Variants in NRXN1 observed in about 807,000 individuals in gnomAD.
NRXN1 encodes the protein neurexin-1.
A neutral mutation model predicts 150.9 loss-of-function variants in NRXN1; 39 were observed. The observed-to-expected ratio is 0.26, with a 90% confidence interval of 0.20 to 0.34. The LOEUF (loss-of-function observed/expected upper bound fraction) is 0.34. Ranked by LOEUF, NRXN1 falls within the 10% of genes least tolerant of loss-of-function variation. The probability of loss-of-function intolerance (pLI) is 1.00; values close to 1 mark genes in which losing one functional copy is unlikely to be tolerated. For synonymous variants in NRXN1, 924 were observed against 757.0 expected (o/e 1.22, Z -3.62); for missense variants, 1,815 against 1,949.9 (o/e 0.93, Z 1.30).
intron 18 of NRXN1, among the ~76,000 whole-genome samples, chr2:50,220,352 T>C (rs998860781): frequency 1.3e-5 from 2 of 151,906 alleles, no homozygotes; most frequent in African/African-American, 2.4e-5. Context: ...GAAAAGACTA[T>C]GCCGTGAGTC....
chr2:50,981,514 C>A (rs557085610), intron 2 of NRXN1, among the ~76,000 whole-genome samples: 75 of 141,314 alleles, frequency 5.3e-4, no homozygotes, highest in Middle Eastern at 3.9e-3. Context: ...ACATACCCAA[C>A]TTATTCATTG....
In NRXN1 at chr2:49,921,342, C is replaced by G. The variant is rs1415073200; in HGVS notation, c.*602G>C. On this transcript the variant is annotated 3_prime_UTR_variant, in exon 23 of 23. Transcript: ENST00000401669. ...TAAGGCCTCCATACTTTTTTTTCCTCTCTCACAACCAGAAAGGGGCTTTTT... is the reference window on the plus strand; with the variant it reads ...TAAGGCCTCCATACTTTTTTTTCCTGTCTCACAACCAGAAAGGGGCTTTTT... 6.6e-6 allele frequency: 1 copy of G among 152,244 alleles called. No individual in the cohort carries two copies. Among genetic ancestry groups the G allele is most frequent in the African/African-American group, 2.4e-5 (1 of 41,338 alleles). The allele number at this position is 152,244 out of a possible 1,614,324, so 9.4% of individuals were successfully genotyped here.
chr2:50,399,434 G>T (rs535893236), intron 17 of NRXN1, among the ~76,000 whole-genome samples: 1 of 151,680 alleles, frequency 6.6e-6, no homozygotes, highest in South Asian at 2.1e-4. Flanking sequence ...TTTTCTTCTC[G>T]GTTTTTCCCT....
intron 5 of NRXN1, among the ~76,000 whole-genome samples, chr2:50,759,785 A>C (rs1701581351): frequency 6.6e-6 from 1 of 150,922 alleles, no homozygotes; most frequent in South Asian, 2.1e-4. Context: ...TTAATCTGCA[A>C]ACTTTTCTGA....
intron 5 of NRXN1, among the ~76,000 whole-genome samples, chr2:50,821,858 G>T (rs906300597): frequency 2.0e-5 from 3 of 152,108 alleles, no homozygotes; most frequent in African/African-American, 7.2e-5. Context: ...AAGCATCACT[G>T]GGCCAGGACA....
At chr2:50,531,504 A>G (rs1427137158) in intron 10 of NRXN1, 74 bp from the exon 11 acceptor site, 3 of 1,074,626 alleles carry the variant, frequency 2.8e-6, no homozygotes, top group South Asian at 1.4e-5. Context: ...GAAAAGGATC[A>G]TTTATTATCA....
chr2:50,527,245 G>A (rs1166365251), intron 12 of NRXN1, among the ~76,000 whole-genome samples: 3 of 152,150 alleles, frequency 2.0e-5, no homozygotes, highest in African/African-American at 7.2e-5. Context: ...TCTGGCTTTG[G>A]CAAAGAATAT....
At chr2:50,016,798 G>C (rs1686703342) in intron 21 of NRXN1, among the ~76,000 whole-genome samples, 1 of 151,948 alleles carries the variant, frequency 6.6e-6, no homozygotes, top group African/African-American at 2.4e-5. Context: ...CAGGCTATAT[G>C]GAAAAAAATA....
intron 17 of NRXN1, among the ~76,000 whole-genome samples, chr2:50,370,696 G>A (rs2079955514): frequency 6.6e-6 from 1 of 152,008 alleles, no homozygotes; most frequent in Admixed American, 6.6e-5. Flanking sequence ...AAAGGTGGTG[G>A]AAGAGGAACA....
intron 21 of NRXN1, among the ~76,000 whole-genome samples, chr2:49,984,228 G>A (rs558735575): frequency 6.6e-6 from 1 of 152,182 alleles, no homozygotes; most frequent in Admixed American, 6.6e-5. Context: ...TACCATAAAT[G>A]TAATTTGAAA....
intron 21 of NRXN1, among the ~76,000 whole-genome samples, chr2:50,047,753 T>C (rs900999476): frequency 2.6e-5 from 4 of 151,920 alleles, no homozygotes; most frequent in African/African-American, 7.3e-5. Flanking sequence ...TCCCACACTA[T>C]TCGTTTTCTT....
At chr2:50,814,150 CCTCT>C (rs1175187257) in intron 5 of NRXN1, among the ~76,000 whole-genome samples, 1 of 151,922 alleles carries the variant, frequency 6.6e-6, no homozygotes, top group Non-Finnish European at 1.5e-5. Flanking sequence ...GACTTTCTAC[CCTCT>C]CTGTTTGTTT....
intron 17 of NRXN1, among the ~76,000 whole-genome samples, chr2:50,352,809 G>A (rs1558582758): frequency 7.6e-6 from 1 of 131,452 alleles, no homozygotes; most frequent in Non-Finnish European, 1.7e-5. Flanking sequence ...TAATAATAAT[G>A]CCAGGCTAAA....
In NRXN1 at chr2:50,263,463, G is replaced by A. The variant is rs1016925668; in HGVS notation, c.3365-26493C>T. ...ACAAATTATTATTTTTATATAGGTA[G>A]CTATTAGGTCTTCAAACACATATGA... On this transcript the variant is annotated intron_variant, in intron 17 of 22. Transcript: ENST00000401669. Among the ~76,000 whole-genome samples the A allele has an allele frequency of 2.0e-5, 3 of 151,958 alleles. No individual in the cohort carries two copies. In the South Asian group the frequency reaches 6.2e-4, roughly 31 times the overall value.
rs143083932 is a variant in NRXN1 at position 50,494,380 on chromosome 2, C to T, written c.3070+1525G>A. Among the ~76,000 whole-genome samples, 9 of 152,254 alleles carry T rather than the reference C, an allele frequency of 5.9e-5. No homozygotes were observed. In the East Asian group the frequency reaches 1.4e-3, roughly 23 times the overall value. ...AGCACACTGGATTTTACAATCTCTC[C>T]CTTTCTTTTGACAATTACCACCTGA... On this transcript the variant is annotated intron_variant, in intron 15 of 22. Transcript: ENST00000401669.
At chr2:50,685,846 T>C (rs1691151090) in intron 5 of NRXN1, among the ~76,000 whole-genome samples, 1 of 152,150 alleles carries the variant, frequency 6.6e-6, no homozygotes, top group African/African-American at 2.4e-5. Context: ...CATAGCAAAC[T>C]GGTTTTAATG....
chr2:50,086,146 G>T (rs2123388), intron 19 of NRXN1, among the ~76,000 whole-genome samples: 40,112 of 151,984 alleles, frequency 0.26, 5,673 homozygotes, highest in Admixed American at 0.39. Context: ...TTAATTACAT[G>T]ATACTTTGAA....
In NRXN1 at chr2:49,974,500, T is replaced by C. The variant is rs551927473; in HGVS notation, c.4129-30709A>G. 1.6e-4 allele frequency among the ~76,000 whole-genome samples: 24 copies of C among 152,288 alleles called. No homozygotes were observed. In the South Asian group the frequency reaches 4.2e-3, roughly 26 times the overall value. On this transcript the variant is annotated intron_variant, in intron 21 of 22. Coordinates refer to ENST00000401669, the MANE Select transcript of NRXN1 (RefSeq NM_001330078.2). ...TAAACACAGAGGGGAAACTTTTTTT[T>C]CCCCAGCCCTTAAACTGTTATGTGT...
intron 21 of NRXN1, among the ~76,000 whole-genome samples, chr2:49,978,714 CAAA>C (rs60622757): frequency 9.7e-5 from 12 of 123,088 alleles, no homozygotes; most frequent in South Asian, 2.6e-4. Flanking sequence ...AGAGAGGCCA[CAAA>C]AAAAAAAAAA....
Sources: gnomAD v4.1 joint callset for allele counts (sites outside exome capture counted in the v4.1 genomes callset) on GRCh38, gnomAD v4.1.1 for gene constraint, MANE v1.5 for transcripts, NCBI Gene and HGNC (gene_info 2026-07-23, HGNC 2026-07-21) for gene names.